The following ULK4 variants were observed in gnomAD, a reference collection of about 807,000 sequenced individuals.
ULK4 encodes unc-51 like kinase 4, also known as inactive serine/threonine-protein kinase ULK4.
In ULK4, 133 loss-of-function variants were observed where a neutral mutation model predicts 160.6. The observed-to-expected ratio is 0.83, with a 90% CI of 0.72 to 0.96. The LOEUF is 0.96. ULK4 is among the 40% of genes least tolerant of loss of function. ULK4 has a pLI of 0.00. For synonymous variants in ULK4, 534 were observed against 539.8 expected (o/e 0.99, Z 0.15); for missense variants, 1,580 against 1,499.5 (o/e 1.05, Z -0.89).
intron 22 of ULK4, among the ~76,000 whole-genome samples, chr3:41,734,188 G>A (rs999741228): frequency 6.6e-6 from 1 of 152,068 alleles, no homozygotes; most frequent in Admixed American, 6.5e-5. Context: ...CAGTCTAGAC[G>A]GAAAGTAGGT....
At chr3:41,695,084 G>A (rs2036443866) in intron 27 of ULK4, among the ~76,000 whole-genome samples, 12 of 152,162 alleles carry the variant, frequency 7.9e-5, no homozygotes. Flanking sequence ...TCCTTTAGCT[G>A]TGTCCTCACA....
At chr3:41,788,739 G>A (rs1049344476) in intron 21 of ULK4, among the ~76,000 whole-genome samples, 1 of 151,842 alleles carries the variant, frequency 6.6e-6, no homozygotes, top group Non-Finnish European at 1.5e-5. Context: ...AAATAATGCT[G>A]CATACTACTT....
At chr3:41,472,627 T>TA (rs2084023318) in intron 32 of ULK4, among the ~76,000 whole-genome samples, 1 of 150,504 alleles carries the variant, frequency 6.6e-6, no homozygotes, top group Non-Finnish European at 1.5e-5. Context: ...GAATAAATAG[T>TA]AAAAAGTCTT....
chr3:41,262,209 G>A (rs530683154), intron 35 of ULK4, among the ~76,000 whole-genome samples: 3 of 152,320 alleles, frequency 2.0e-5, no homozygotes, highest in Admixed American at 1.3e-4. Context: ...TGGGGAAGCC[G>A]GGAGTTGACA....
At chr3:41,669,904 A>T (rs575216677) in intron 29 of ULK4, among the ~76,000 whole-genome samples, 70 of 152,344 alleles carry the variant, frequency 4.6e-4, no homozygotes, top group African/African-American at 1.6e-3. Context: ...AATTTCAAAA[A>T]GTACTAAGTA....
intron 22 of ULK4, among the ~76,000 whole-genome samples, chr3:41,727,637 G>C (rs2037695478): frequency 6.6e-6 from 1 of 152,192 alleles, no homozygotes. Context: ...AAAGATCAGA[G>C]AGGTAACCAG....
chr3:41,644,481 A>T (rs981211801), intron 30 of ULK4, among the ~76,000 whole-genome samples: 1 of 152,170 alleles, frequency 6.6e-6, no homozygotes, highest in Non-Finnish European at 1.5e-5. Context: ...TTCTGTTTAT[A>T]TGTTGGATTA....
chr3:41,425,340 T>TA lies in ULK4; in HGVS notation c.3493-27077dup, dbSNP rs528337842. The stretch of plus-strand genomic sequence containing the variant: ...TAACTGACTGGGGTACCTGAAAAGA[T>TA]ACGGGGAGAATGGAACCAAGTTGGG... On this transcript the variant is annotated intron_variant, in intron 34 of 36. Transcript: ENST00000301831. Among the ~76,000 whole-genome samples the TA allele has an allele frequency of 1.1e-4, 17 of 152,276 alleles. No individual in the cohort carries two copies. In the South Asian group the frequency reaches 2.9e-3, roughly 26 times the overall value.
rs1305456271 is a variant in ULK4, at chr3:41,560,665, G to C, written c.3226+5360C>G. Among the ~76,000 whole-genome samples, 5 of 152,266 alleles carry C rather than the reference G, an allele frequency of 3.3e-5. No homozygotes were observed. In the East Asian group the frequency reaches 9.6e-4, roughly 29 times the overall value. ...TCACTTATGATTTGGTTCTCTGTTT[G>C]TCTGTTATTGGTGTATAGGAATGCT... On this transcript the variant is annotated intron_variant, in intron 32 of 36. Coordinates refer to ENST00000301831, the MANE Select transcript of ULK4 (RefSeq NM_017886.4).
At chr3:41,540,047 AT>A (rs1267837731) in intron 32 of ULK4, among the ~76,000 whole-genome samples, 1 of 152,114 alleles carries the variant, frequency 6.6e-6, no homozygotes, top group African/African-American at 2.4e-5. Flanking sequence ...AAAATAAGTA[AT>A]TTACAGAAAA....
At chr3:41,952,128 A>T (rs757866933) in intron 2 of ULK4, among the ~76,000 whole-genome samples, 1 of 152,168 alleles carries the variant, frequency 6.6e-6, no homozygotes, top group Non-Finnish European at 1.5e-5. Flanking sequence ...GCTTCATGAC[A>T]CTGGGCTTGG....
chr3:41,583,101 C>G (rs1376716525), intron 31 of ULK4, among the ~76,000 whole-genome samples: 1 of 152,068 alleles, frequency 6.6e-6, no homozygotes, highest in Non-Finnish European at 1.5e-5. Context: ...GTACTATTAG[C>G]TATTTTTGTT....
chr3:41,628,919 A>C (rs2033635699), intron 30 of ULK4, among the ~76,000 whole-genome samples: 1 of 152,210 alleles, frequency 6.6e-6, no homozygotes, highest in Non-Finnish European at 1.5e-5. Context: ...CTCTTCTCTC[A>C]GAAGAAGGAT....
At chr3:41,392,572 A>G (rs761863457) in intron 35 of ULK4, among the ~76,000 whole-genome samples, 24 of 152,062 alleles carry the variant, frequency 1.6e-4, no homozygotes, top group Non-Finnish European at 2.9e-4. Context: ...GGGGTCAAAC[A>G]TATCTTGGGC....
At chr3:41,554,006 C>A (rs914732688) in intron 32 of ULK4, among the ~76,000 whole-genome samples, 2 of 152,088 alleles carry the variant, frequency 1.3e-5, no homozygotes, top group Non-Finnish European at 2.9e-5. Context: ...CCCAGCCTCT[C>A]GTAACCTTTA....
chr3:41,817,609 G>A (rs2041014207), intron 19 of ULK4, among the ~76,000 whole-genome samples: 1 of 151,990 alleles, frequency 6.6e-6, no homozygotes, highest in Non-Finnish European at 1.5e-5. Context: ...AACAGACACT[G>A]GAGACTTCTA....
At chr3:41,492,194 G>A (rs952582020) in intron 32 of ULK4, among the ~76,000 whole-genome samples, 9 of 151,772 alleles carry the variant, frequency 5.9e-5, no homozygotes, top group South Asian at 2.1e-4. Context: ...ATAAACATAC[G>A]TGTGCATGTG....
At chr3:41,812,639 G>A (rs1349353154) in intron 19 of ULK4, among the ~76,000 whole-genome samples, 1 of 152,092 alleles carries the variant, frequency 6.6e-6, no homozygotes, top group Non-Finnish European at 1.5e-5. Context: ...TCCACTTGGT[G>A]GTGTTCGCTA....
chr3:41,834,627 T>G (rs1439949627), intron 18 of ULK4, among the ~76,000 whole-genome samples: 1 of 152,244 alleles, frequency 6.6e-6, no homozygotes, highest in African/African-American at 2.4e-5. Context: ...AAAATACTCA[T>G]GTTTTATAAC....
Sources: allele counts gnomAD v4.1 joint callset (sites outside exome capture counted in the v4.1 genomes callset), GRCh38; gene constraint gnomAD v4.1.1; transcripts MANE v1.5; gene names NCBI Gene and HGNC (gene_info 2026-07-23, HGNC 2026-07-21).